MLIP: variants seen among roughly 807,000 people sequenced by gnomAD.
The protein encoded by MLIP is muscular LMNA interacting protein, also known as muscular LMNA-interacting protein.
MLIP carries 79 observed loss-of-function variants against 84.8 expected under a neutral mutation model. The observed-to-expected ratio is 0.93, with a 90% CI of 0.78 to 1.12. MLIP has a LOEUF of 1.12. MLIP is among the 50% of genes most tolerant of loss of function. The pLI, the probability that MLIP is intolerant of heterozygous loss-of-function variation, is 0.00. For synonymous variants in MLIP, 504 were observed against 463.0 expected (o/e 1.09, Z -1.14); for missense variants, 1,257 against 1,160.6 (o/e 1.08, Z -1.21).
intron 10 of MLIP, among the ~76,000 whole-genome samples, chr6:54,193,357 A>G (rs138121066): frequency 8.5e-5 from 13 of 152,326 alleles, no homozygotes; most frequent in South Asian, 2.1e-4. Flanking sequence ...AGTTGTCAGT[A>G]TACTCCTATG....
intron 1 of MLIP, among the ~76,000 whole-genome samples, chr6:54,055,299 A>C (rs1765600786): frequency 6.6e-6 from 1 of 152,246 alleles, no homozygotes; most frequent in South Asian, 2.1e-4. Flanking sequence ...CAATATAAGC[A>C]TACAAATATG....
intron 1 of MLIP, among the ~76,000 whole-genome samples, chr6:54,037,619 C>G (rs1764519104): frequency 6.6e-6 from 1 of 151,868 alleles, no homozygotes; most frequent in South Asian, 2.1e-4. Flanking sequence ...GAGTAGTCTG[C>G]TAGTCTTTGG....
At chr6:54,243,400 A>G (rs1440999380) in intron 12 of MLIP, among the ~76,000 whole-genome samples, 3 of 152,186 alleles carry the variant, frequency 2.0e-5, no homozygotes, top group South Asian at 2.1e-4. Context: ...GTTAGCATCA[A>G]TTAAGATTAC....
chr6:54,124,554 G>C lies in MLIP; in HGVS notation c.334G>C (p.Val112Leu), dbSNP rs749199542. 3 of 1,614,186 alleles carry C rather than the reference G, an allele frequency of 1.9e-6. No homozygotes were observed. Among genetic ancestry groups the C allele is most frequent in the Non-Finnish European group, 2.5e-6 (3 of 1,180,012 alleles). ...DQAKLTCPSEVSGTILQEREF... is the reference protein window; with the variant it reads ...DQAKLTCPSELSGTILQEREF... The stretch of plus-strand genomic sequence containing the variant: ...AGCGAAATTGACTTGTCCTTCAGAG[G>C]TCAGTGGAACGATTTTACAAGAAAG... The change falls in exon 3 of 14, where the codon GTC becomes CTC. Residue 112 changes from valine to leucine, a missense_variant. Coordinates refer to ENST00000502396, the MANE Select transcript of MLIP (RefSeq NM_001281747.2).
At chr6:54,150,007 A>G (rs981183873) in intron 5 of MLIP, among the ~76,000 whole-genome samples, 1 of 151,992 alleles carries the variant, frequency 6.6e-6, no homozygotes, top group Non-Finnish European at 1.5e-5. Flanking sequence ...TTTTCTGTGT[A>G]ATTATGGTGT....
chr6:54,052,831 T>C (rs181811562), intron 1 of MLIP, among the ~76,000 whole-genome samples: 5 of 152,218 alleles, frequency 3.3e-5, no homozygotes, highest in Non-Finnish European at 7.3e-5. Flanking sequence ...GCTGAATCTC[T>C]ATTGGTTTCT....
At chr6:54,093,375 A>ATTCTATTCTC (rs1317922796) in intron 1 of MLIP, among the ~76,000 whole-genome samples, 1 of 150,278 alleles carries the variant, frequency 6.7e-6, no homozygotes, top group Non-Finnish European at 1.5e-5. Context: ...ATTCTATTCT[A>ATTCTATTCTC]TTCTATTCTA....
intron 12 of MLIP, among the ~76,000 whole-genome samples, chr6:54,243,632 A>T (rs1040037755): frequency 6.6e-6 from 1 of 152,188 alleles, no homozygotes; most frequent in African/African-American, 2.4e-5. Flanking sequence ...CTCAGAAAGT[A>T]TATATAATTT....
Position 54,137,040 on chromosome 6 carries a change from C to T in MLIP, c.971C>T (p.Ser324Phe). 13 of 1,536,128 alleles carry T rather than the reference C, an allele frequency of 8.5e-6. No homozygotes were observed. Among genetic ancestry groups the T allele is most frequent in the Non-Finnish European group, 9.6e-6 (11 of 1,146,896 alleles). ...TAADPKPGLTSEVLKKTTLTS... is the reference protein window; with the variant it reads ...TAADPKPGLTFEVLKKTTLTS... ...GCAGATCCAAAGCCTGGACTGACCT[C>T]TGAAGTTCTCAAGAAGACAACTTTA... Residue 324 changes from serine (S) to phenylalanine (F), a missense_variant, in exon 4 of 14, where the codon TCT (serine) becomes TTT (phenylalanine). By Grantham distance (155) the Ser-to-Phe change is radical. Coordinates refer to ENST00000502396, the MANE Select transcript of MLIP (RefSeq NM_001281747.2).
intron 1 of MLIP, among the ~76,000 whole-genome samples, chr6:54,051,382 T>C (rs887858861): frequency 5.3e-5 from 8 of 152,092 alleles, no homozygotes; most frequent in African/African-American, 1.9e-4. Context: ...TATTTTTCCT[T>C]TCAATACAAA....
intron 1 of MLIP, among the ~76,000 whole-genome samples, chr6:54,033,576 T>C (rs1581996010): frequency 6.6e-6 from 1 of 152,154 alleles, no homozygotes; most frequent in East Asian, 1.9e-4. Flanking sequence ...GAACTAAGTC[T>C]TAAGTCAGTG....
intron 3 of MLIP, among the ~76,000 whole-genome samples, chr6:54,131,904 C>T (rs535935046): frequency 2.0e-5 from 3 of 152,248 alleles, no homozygotes; most frequent in Admixed American, 6.5e-5. Flanking sequence ...TTTACTGTGA[C>T]CTACCCATGT....
chr6:54,130,301 G>A (rs908709100), intron 3 of MLIP, among the ~76,000 whole-genome samples: 1 of 152,158 alleles, frequency 6.6e-6, no homozygotes, highest in Non-Finnish European at 1.5e-5. Context: ...CTTTTAAGAA[G>A]AGAGTCTCCT....
At chr6:54,238,736 T>C (rs1016340928) in intron 12 of MLIP, among the ~76,000 whole-genome samples, 9 of 152,100 alleles carry the variant, frequency 5.9e-5, no homozygotes, top group African/African-American at 2.2e-4. Context: ...CAAGCAAAAA[T>C]AGGATCTTTA....
At chr6:54,114,275 C>T (rs1379182157) in intron 1 of MLIP, among the ~76,000 whole-genome samples, 1 of 152,112 alleles carries the variant, frequency 6.6e-6, no homozygotes, top group Non-Finnish European at 1.5e-5. Flanking sequence ...GTTAACAACC[C>T]TAGTAATTTT....
intron 1 of MLIP, among the ~76,000 whole-genome samples, chr6:54,101,054 G>T (rs1327348465): frequency 6.6e-6 from 1 of 152,088 alleles, no homozygotes; most frequent in Non-Finnish European, 1.5e-5. Flanking sequence ...TGGTTCCAGA[G>T]GATATGGAGC....
At chr6:54,036,459 T>C (rs1206652944) in intron 1 of MLIP, among the ~76,000 whole-genome samples, 2 of 152,040 alleles carry the variant, frequency 1.3e-5, no homozygotes, top group African/African-American at 4.8e-5. Context: ...GCTGCTGTTA[T>C]AAGTTTACCC....
At chr6:54,141,678 C>T (rs530314807) in intron 4 of MLIP, among the ~76,000 whole-genome samples, 1 of 152,194 alleles carries the variant, frequency 6.6e-6, no homozygotes, top group East Asian at 1.9e-4. Flanking sequence ...TTACAAAATT[C>T]ACCCATGGAG....
intron 1 of MLIP, among the ~76,000 whole-genome samples, chr6:54,032,658 A>G (rs1212734626): frequency 6.6e-6 from 1 of 152,158 alleles, no homozygotes; most frequent in Non-Finnish European, 1.5e-5. Flanking sequence ...GGTTTAAGAG[A>G]TCCTCCTGCC....
Sources: allele counts gnomAD v4.1 joint callset (sites outside exome capture counted in the v4.1 genomes callset), GRCh38; gene constraint gnomAD v4.1.1; transcripts MANE v1.5; gene names NCBI Gene and HGNC (gene_info 2026-07-23, HGNC 2026-07-21).